The following ADGRL1 variants were observed in gnomAD, a reference collection of about 807,000 sequenced individuals.
The protein encoded by ADGRL1 is adhesion G protein-coupled receptor L1.
A neutral mutation model predicts 148.9 loss-of-function variants in ADGRL1; 31 were observed. That is an observed-to-expected ratio of 0.21 (90% confidence interval 0.16 to 0.28). ADGRL1 has a LOEUF of 0.28. ADGRL1 is among the 10% of genes least tolerant of loss of function. The pLI, the probability that ADGRL1 is intolerant of heterozygous loss-of-function variation, is 1.00. For synonymous variants in ADGRL1, 937 were observed against 900.3 expected (o/e 1.04, Z -0.73); for missense variants, 1,521 against 2,058.8 (o/e 0.74, Z 5.05).
chr19:14,201,806 G>A (rs773191711), intron 1 of ADGRL1, among the ~76,000 whole-genome samples: 1 of 152,078 alleles, frequency 6.6e-6, no homozygotes, highest in East Asian at 1.9e-4. Flanking sequence ...ACATCCTCGC[G>A]CGCTTGGATC....
rs776520156 is a variant in ADGRL1 at position 14,155,912 on chromosome 19, C to T, written c.3125+198G>A. 19 of 594,918 alleles carry T rather than the reference C, an allele frequency of 3.2e-5. No homozygotes were observed. Among genetic ancestry groups the T allele is most frequent in the Non-Finnish European group, 4.8e-5 (16 of 331,952 alleles). 36.9% of individuals were successfully genotyped at this position (594,918 alleles called of 1,614,324 possible). A position where few individuals can be genotyped will look rare whatever the true frequency, so the allele number is the denominator to read the frequency against. The stretch of plus-strand genomic sequence containing the variant: ...GATGCCCCTAAAACCACAGGTTGGA[C>T]GTGCTAATGATACGCTATCTAAGAC... On this transcript the variant is annotated intron_variant, in intron 17 of 22. Coordinates refer to ENST00000361434, the MANE Select transcript of ADGRL1 (RefSeq NM_014921.5). This position sits in a 1 kb window ranked among gnomAD's most constrained non-coding sequence, Gnocchi z 5.0.
intron 1 of ADGRL1, among the ~76,000 whole-genome samples, chr19:14,201,323 G>GT (rs1491224279): frequency 3.8e-5 from 4 of 104,440 alleles, no homozygotes; most frequent in Admixed American, 1.9e-4. Flanking sequence ...TTGGCGGGGT[G>GT]GGGGGGGGCA....
In ADGRL1 at chr19:14,157,661, C is replaced by G. The variant is rs544252480; in HGVS notation, c.2536-201G>C. Among the ~76,000 whole-genome samples the G allele has an allele frequency of 2.0e-5, 3 of 152,352 alleles. No individual in the cohort carries two copies. Among genetic ancestry groups the G allele is most frequent in the Admixed American group, 6.5e-5 (1 of 15,314 alleles). Reference sequence around the variant, plus strand: ...TCTGGAAGGCTTGTGGAGAGATGACCAACGTAACACCAACTTGCTTCTCCA... The same window carrying G: ...TCTGGAAGGCTTGTGGAGAGATGACGAACGTAACACCAACTTGCTTCTCCA... On this transcript the variant is annotated intron_variant, in intron 13 of 22. Transcript: ENST00000361434. The surrounding 1 kb of genome is among the most constrained non-coding windows in gnomAD (Gnocchi z 7.5).
chr19:14,191,220 C>G (rs1387917748), intron 1 of ADGRL1: 1 of 456,774 alleles, frequency 2.2e-6, no homozygotes, highest in Non-Finnish European at 4.4e-6. Context: ...CTGTCCCCAT[C>G]TGTGTCCCTC....
chr19:14,176,146 C>T (rs772095837), intron 3 of ADGRL1, among the ~76,000 whole-genome samples: 3 of 151,796 alleles, frequency 2.0e-5, no homozygotes, highest in Admixed American at 6.6e-5. Flanking sequence ...GTCAAGAGAT[C>T]GAGACCATCC....
chr19:14,175,200 G>C (rs929020180), intron 3 of ADGRL1, among the ~76,000 whole-genome samples: 1 of 152,128 alleles, frequency 6.6e-6, no homozygotes, highest in Non-Finnish European at 1.5e-5. Flanking sequence ...GTGGGTGTGA[G>C]AGAGGCTTGT....
Position 14,152,141 on chromosome 19 carries a change from C to G in ADGRL1, c.3659G>C (p.Arg1220Pro). Reference protein sequence around the residue: ...PPVFNSPGSYREPKHPLGGRE... With the variant: ...PPVFNSPGSYPEPKHPLGGRE... ...GGAAGAGTCACACTTACTGGGTTCC[C>G]GGTAGCTCCCTGCAGGTGGCAGCCA... The change falls in exon 22 of 23, where the codon CGG (arginine) becomes CCG (proline). Residue 1220 changes from arginine (R) to proline (P), a missense_variant. Transcript: ENST00000361434. This position sits in a 1 kb window ranked among gnomAD's most constrained non-coding sequence, Gnocchi z 6.1. The G allele has an allele frequency of 1.2e-6, 2 of 1,614,058 alleles. No individual in the cohort carries two copies.
At chr19:14,182,060 T>C (rs1971235884) in intron 2 of ADGRL1, among the ~76,000 whole-genome samples, 2 of 152,110 alleles carry the variant, frequency 1.3e-5, no homozygotes, top group African/African-American at 4.8e-5. Flanking sequence ...GACAGATGGC[T>C]GGGGTTGGAA....
intron 1 of ADGRL1, among the ~76,000 whole-genome samples, chr19:14,199,023 C>T (rs1423679664): frequency 4.6e-5 from 7 of 152,234 alleles, no homozygotes; most frequent in African/African-American, 1.4e-4. Flanking sequence ...CGGGATCCCC[C>T]TGCCTCATCA....
In ADGRL1 at chr19:14,201,325, G is replaced by A. The variant is rs576767738; in HGVS notation, c.-96+4660C>T. 4.9e-5 allele frequency among the ~76,000 whole-genome samples: 7 copies of A among 144,096 alleles called. No homozygotes were observed. In the East Asian group the frequency reaches 6.5e-4, roughly 13 times the overall value. The allele number at this position is 144,096 out of a possible 152,430, so 94.5% of individuals were successfully genotyped here. ...TTGTTTTTTTTTTTTGGCGGGGTGG[G>A]GGGGGGCAAGGTTATTTTTGGCCTG... is the stretch of plus-strand genomic sequence containing the variant. On this transcript the variant is annotated intron_variant, in intron 1 of 22. Coordinates refer to ENST00000361434, the MANE Select transcript of ADGRL1 (RefSeq NM_014921.5).
chr19:14,159,910 A>G lies in ADGRL1; in HGVS notation c.1801-137T>C. ...CTGGGCTATCAGCAAGACATTCCTCAGGGATCCCCAACCCCCAGGACCATC... is the reference window on the plus strand; with the variant it reads ...CTGGGCTATCAGCAAGACATTCCTCGGGGATCCCCAACCCCCAGGACCATC... On this transcript the variant is annotated intron_variant, in intron 8 of 22. Coordinates refer to ENST00000361434, the MANE Select transcript of ADGRL1 (RefSeq NM_014921.5). This position sits in a 1 kb window ranked among gnomAD's most constrained non-coding sequence, Gnocchi z 6.0. 1 of 994,634 alleles carries G rather than the reference A, an allele frequency of 1.0e-6. No individual in the cohort carries two copies. Among genetic ancestry groups the G allele is most frequent in the Non-Finnish European group, 1.6e-6 (1 of 640,932 alleles). The allele number at this position is 994,634 out of a possible 1,614,324, so 61.6% of individuals were successfully genotyped here.
At position 14,183,624 on chromosome 19, in the gene ADGRL1, C is replaced by T. The variant is rs55683520; in HGVS notation, c.-22G>A. On this transcript the variant is annotated 5_prime_UTR_variant, in exon 2 of 23. Transcript: ENST00000361434. ...CCATGGTGGCAGCCGGGTGCGTGTC[C>T]GGAGCTCTCAGTGGCCTGTGCGGGG... The T allele has an allele frequency of 5.2e-3, 8,042 of 1,558,492 alleles. 26 individuals carry two copies. The highest frequency in any genetic ancestry group is 9.5e-3 in the Middle Eastern group (57 of 5,980).
rs1484776749 is a variant in ADGRL1, at chr19:14,162,725, T to C, written c.1076A>G (p.Asn359Ser). 6.2e-7 allele frequency: 1 copy of C among 1,613,944 alleles called. No individual in the cohort carries two copies. The highest frequency in any genetic ancestry group is 8.5e-7 in the Non-Finnish European group (1 of 1,179,960). Reference sequence around the variant, plus strand: ...AACGGAGGAGATGAACTGGTAGGGGTTGGGGAAGGTGAGGCTGACAGGCTC... The same window carrying C: ...AACGGAGGAGATGAACTGGTAGGGGCTGGGGAAGGTGAGGCTGACAGGCTC... ...REEPVSLTFP[N>S]PYQFISSVDY... The change falls in exon 5 of 23, where the codon AAC (asparagine) becomes AGC (serine). Residue 359 changes from asparagine to serine, a missense_variant. Transcript: ENST00000361434. The surrounding 1 kb of genome is among the most constrained non-coding windows in gnomAD (Gnocchi z 5.4).
intron 1 of ADGRL1, among the ~76,000 whole-genome samples, chr19:14,198,106 A>G (rs1372552340): frequency 6.6e-6 from 1 of 152,068 alleles, no homozygotes; most frequent in Non-Finnish European, 1.5e-5. Flanking sequence ...TGGGGTAGGA[A>G]TGTGCTGAGA....
At chr19:14,183,010 C>G (rs939718821) in intron 2 of ADGRL1, among the ~76,000 whole-genome samples, 1 of 151,936 alleles carries the variant, frequency 6.6e-6, no homozygotes, top group Non-Finnish European at 1.5e-5. Flanking sequence ...GGGCTGGTCA[C>G]GGGGCCAGTA....
chr19:14,205,740 C>G (rs548878228), intron 1 of ADGRL1, among the ~76,000 whole-genome samples: 38 of 151,490 alleles, frequency 2.5e-4, no homozygotes, highest in Middle Eastern at 3.4e-3. Flanking sequence ...TCCGCACCCC[C>G]GCGCCCCGGG....
chr19:14,161,199 G>A lies in ADGRL1; in HGVS notation c.1510+113C>T. 9.3e-7 allele frequency: 1 copy of A among 1,071,122 alleles called. No homozygotes were observed. The highest frequency in any genetic ancestry group is 2.9e-5 in the East Asian group (1 of 34,710). 66.4% of individuals were successfully genotyped at this position (1,071,122 alleles called of 1,614,324 possible). ...CTGCTGGTCACTGGGGATGACCCCT[G>A]CCCTCAGAAAACCTCTGCTCCGCAG... On this transcript the variant is annotated intron_variant, in intron 6 of 22. Coordinates refer to ENST00000361434, the MANE Select transcript of ADGRL1 (RefSeq NM_014921.5). The surrounding 1 kb of genome is among the most constrained non-coding windows in gnomAD (Gnocchi z 4.4).
At chr19:14,179,856 T>C (rs1163207169) in intron 2 of ADGRL1, among the ~76,000 whole-genome samples, 1 of 151,808 alleles carries the variant, frequency 6.6e-6, no homozygotes, top group African/African-American at 2.4e-5. Context: ...GTTGCAGTGA[T>C]GGCATGCAGA....
chr19:14,183,609 A>G lies in ADGRL1; in HGVS notation c.-7T>C. The G allele has an allele frequency of 1.3e-6, 2 of 1,569,192 alleles. No individual in the cohort carries two copies. The highest frequency in any genetic ancestry group is 1.7e-6 in the Non-Finnish European group (2 of 1,156,796). Reference sequence around the variant, plus strand: ...CTGCGGCTAGGCGGGCCATGGTGGCAGCCGGGTGCGTGTCCGGAGCTCTCA... The same window carrying G: ...CTGCGGCTAGGCGGGCCATGGTGGCGGCCGGGTGCGTGTCCGGAGCTCTCA... On this transcript the variant is annotated 5_prime_UTR_variant, in exon 2 of 23. Coordinates refer to ENST00000361434, the MANE Select transcript of ADGRL1 (RefSeq NM_014921.5).
Sources: gnomAD v4.1 joint callset for allele counts (sites outside exome capture counted in the v4.1 genomes callset) on GRCh38, gnomAD v4.1.1 for gene constraint, Gnocchi (gnomAD v3.1) non-coding constraint, MANE v1.5 for transcripts, NCBI Gene and HGNC (gene_info 2026-07-23, HGNC 2026-07-21) for gene names.